The following PDE1A variants were observed in gnomAD, a reference collection of about 807,000 sequenced individuals.
PDE1A encodes the protein dual specificity calcium/calmodulin-dependent 3',5'-cyclic nucleotide phosphodiesterase 1A.
A neutral mutation model predicts 61.7 loss-of-function variants in PDE1A; 35 were observed. The ratio of observed to expected loss-of-function variants is 0.57; its 90% CI spans 0.43 to 0.75. The LOEUF (loss-of-function observed/expected upper bound fraction) is 0.75, where lower values mean the gene tolerates loss of function less well. Ranked by LOEUF, PDE1A falls within the 30% of genes least tolerant of loss-of-function variation. PDE1A has a pLI of 0.00. For missense variants in PDE1A, 597 were observed against 630.6 expected (o/e 0.95, Z 0.57); for synonymous variants, 232 against 213.2 (o/e 1.09, Z -0.77).
intron 2 of PDE1A, among the ~76,000 whole-genome samples, chr2:182,465,228 G>T (rs564017061): frequency 6.6e-5 from 10 of 152,126 alleles, no homozygotes; most frequent in Non-Finnish European, 1.5e-4. Context: ...CTAACCTAAA[G>T]TTTACTTTTC....
At chr2:182,158,863 T>G (rs931251471) in intron 13 of PDE1A, among the ~76,000 whole-genome samples, 16 of 152,190 alleles carry the variant, frequency 1.1e-4, no homozygotes, top group Non-Finnish European at 1.9e-4. Context: ...TTTGCATAAT[T>G]TTTTTCTTTG....
chr2:182,686,562 G>A, the PDE1A span, among the ~76,000 whole-genome samples: 278 of 152,334 alleles, frequency 1.8e-3, 2 homozygotes, highest in African/African-American at 6.3e-3. Flanking sequence ...GTTCCAAGAT[G>A]GCCGAATAGG....
intron 2 of PDE1A, among the ~76,000 whole-genome samples, chr2:182,249,442 C>T (rs1418879759): frequency 6.6e-6 from 1 of 152,036 alleles, no homozygotes; most frequent in African/African-American, 2.4e-5. Context: ...CGGGGCAAAC[C>T]ATGGGGAGAG....
chr2:182,260,916 T>C (rs969209190), intron 2 of PDE1A, among the ~76,000 whole-genome samples: 4 of 152,210 alleles, frequency 2.6e-5, no homozygotes, highest in Admixed American at 6.5e-5. Flanking sequence ...AATCCAACTC[T>C]TCAACTCCCT....
intron 1 of PDE1A, among the ~76,000 whole-genome samples, chr2:182,383,390 T>C (rs541889566): frequency 1.3e-5 from 2 of 152,318 alleles, no homozygotes; most frequent in East Asian, 3.9e-4. Flanking sequence ...TCTCTCTATG[T>C]AGATTGTAGT....
chr2:182,452,967 T>A (rs957831491), intron 2 of PDE1A, among the ~76,000 whole-genome samples: 1 of 152,138 alleles, frequency 6.6e-6, no homozygotes, highest in South Asian at 2.1e-4. Flanking sequence ...TTGCACTTTT[T>A]TATTTTGCCA....
intron 1 of PDE1A, among the ~76,000 whole-genome samples, chr2:182,286,458 G>T (rs982865827): frequency 4.6e-5 from 7 of 151,976 alleles, no homozygotes; most frequent in Non-Finnish European, 8.8e-5. Context: ...TTAAGGTAAG[G>T]CTAAACACTG....
intron 13 of PDE1A, among the ~76,000 whole-genome samples, chr2:182,150,354 C>T (rs1219821911): frequency 6.6e-6 from 1 of 152,068 alleles, no homozygotes; most frequent in African/African-American, 2.4e-5. Flanking sequence ...CAATGCAGAT[C>T]ATAAATAGAT....
At chr2:182,278,341 T>A (rs1388606971) in intron 1 of PDE1A, among the ~76,000 whole-genome samples, 1 of 152,034 alleles carries the variant, frequency 6.6e-6, no homozygotes, top group Admixed American at 6.6e-5. Context: ...ATCATCAATC[T>A]GCAGGAGAAG....
intron 2 of PDE1A, among the ~76,000 whole-genome samples, chr2:182,457,830 A>C (rs1686025100): frequency 6.6e-6 from 1 of 152,054 alleles, no homozygotes; most frequent in African/African-American, 2.4e-5. Context: ...GGTAAAGGGG[A>C]GAAATTTAAA....
chr2:182,491,611 T>C (rs1003720985), intron 2 of PDE1A, among the ~76,000 whole-genome samples: 1 of 152,230 alleles, frequency 6.6e-6, no homozygotes, highest in African/African-American at 2.4e-5. Flanking sequence ...AGACGAAATA[T>C]GGGAAAGCTG....
At chr2:182,511,406 G>A (rs978162877) in intron 2 of PDE1A, among the ~76,000 whole-genome samples, 1 of 152,118 alleles carries the variant, frequency 6.6e-6, no homozygotes, top group Non-Finnish European at 1.5e-5. Context: ...AGCTCCTGGG[G>A]CCAGGGTGAG....
At chr2:182,430,451 G>GA (rs1380090197), upstream of PDE1A, among the ~76,000 whole-genome samples, 4 of 79,866 alleles carry the variant, frequency 5.0e-5, no homozygotes, top group Non-Finnish European at 1.0e-4. Context: ...AAAAAGTCAG[G>GA]AAACAACAGG....
chr2:182,581,126 T>C, the PDE1A span, among the ~76,000 whole-genome samples: 2 of 152,318 alleles, frequency 1.3e-5, no homozygotes, highest in South Asian at 4.1e-4. Context: ...TGATTTAAAG[T>C]TGTACCTGCT....
chr2:182,710,117 G>C, the PDE1A span, among the ~76,000 whole-genome samples: 1 of 152,118 alleles, frequency 6.6e-6, no homozygotes, highest in Non-Finnish European at 1.5e-5. Flanking sequence ...GGATGGTCTC[G>C]ATCTCCTGAC....
the PDE1A span, among the ~76,000 whole-genome samples, chr2:182,565,223 G>T: frequency 6.6e-6 from 1 of 152,166 alleles, no homozygotes; most frequent in African/African-American, 2.4e-5. Flanking sequence ...ACGTACAGAT[G>T]GGTTTTTGGT....
the PDE1A span, among the ~76,000 whole-genome samples, chr2:182,568,073 A>G: frequency 6.6e-6 from 1 of 152,106 alleles, no homozygotes; most frequent in Non-Finnish European, 1.5e-5. Context: ...TGCTAGGATT[A>G]CAGGTGCAAG....
At chr2:182,353,716 G>A (rs1254308955) in intron 1 of PDE1A, among the ~76,000 whole-genome samples, 8 of 151,932 alleles carry the variant, frequency 5.3e-5, no homozygotes, top group Non-Finnish European at 4.4e-5. Flanking sequence ...CTGTGAGATC[G>A]AGCACAGGGT....
intron 1 of PDE1A, among the ~76,000 whole-genome samples, chr2:182,380,459 A>T (rs1484349033): frequency 6.6e-6 from 1 of 152,096 alleles, no homozygotes; most frequent in Non-Finnish European, 1.5e-5. Flanking sequence ...CTGCCCGGGT[A>T]AAATAGATCA....
Sources: gnomAD v4.1 joint callset for allele counts (sites outside exome capture counted in the v4.1 genomes callset) on GRCh38, gnomAD v4.1.1 for gene constraint, MANE v1.5 for transcripts, NCBI Gene and HGNC (gene_info 2026-07-23, HGNC 2026-07-21) for gene names.